FARS2: variants seen among roughly 807,000 people sequenced by gnomAD.
FARS2 encodes the protein phenylalanyl-tRNA synthetase 2, mitochondrial, also known as phenylalanine--tRNA ligase, mitochondrial.
Under a neutral mutation model 46.4 loss-of-function variants are expected in FARS2, and 40 were observed. That is an observed-to-expected ratio of 0.86 (90% confidence interval 0.67 to 1.12). The LOEUF (loss-of-function observed/expected upper bound fraction) is 1.12, where lower values mean the gene tolerates loss of function less well. FARS2 is among the 50% of genes most tolerant of loss of function. The pLI is 0.00. For missense variants in FARS2, 513 were observed against 567.9 expected, an observed-to-expected ratio of 0.90 and a Z score of 0.98; for synonymous variants, 234 against 214.9, an observed-to-expected ratio of 1.09 and a Z score of -0.78.
intron 1 of FARS2, among the ~76,000 whole-genome samples, chr6:5,302,887 T>C (rs1374194093): frequency 6.6e-6 from 1 of 152,156 alleles, no homozygotes; most frequent in African/African-American, 2.4e-5. Flanking sequence ...GTGTGGTTCA[T>C]GTTCGATGGA....
intron 5 of FARS2, among the ~76,000 whole-genome samples, chr6:5,604,783 T>G (rs768049539): frequency 6.6e-6 from 1 of 152,192 alleles, no homozygotes; most frequent in Non-Finnish European, 1.5e-5. Flanking sequence ...TTTTGTATTT[T>G]TTAACTCCCT....
At chr6:5,538,668 G>T (rs561048693) in intron 4 of FARS2, among the ~76,000 whole-genome samples, 1 of 152,222 alleles carries the variant, frequency 6.6e-6, no homozygotes, top group East Asian at 1.9e-4. Context: ...TGATAGAGTG[G>T]TCACGTCCTT....
intron 4 of FARS2, among the ~76,000 whole-genome samples, chr6:5,436,563 C>T (rs180681641): frequency 2.3e-4 from 35 of 152,296 alleles, no homozygotes; most frequent in Admixed American, 9.8e-4. Context: ...AAGATTATAT[C>T]GTTAGAACAT....
chr6:5,668,496 T>C (rs1001614854), intron 6 of FARS2, among the ~76,000 whole-genome samples: 4 of 152,208 alleles, frequency 2.6e-5, no homozygotes, highest in Admixed American at 1.3e-4. Context: ...ATTCCTGAAC[T>C]TCATTCAATT....
At chr6:5,668,067 G>C (rs1778235800) in intron 6 of FARS2, 1 of 152,130 alleles carries the variant, frequency 6.6e-6, no homozygotes, top group Non-Finnish European at 1.5e-5. Flanking sequence ...CCATTCCTCT[G>C]CTCAGCTCCT....
chr6:5,623,737 G>A (rs1452439325), intron 6 of FARS2, among the ~76,000 whole-genome samples: 3 of 148,704 alleles, frequency 2.0e-5, no homozygotes, highest in African/African-American at 5.2e-5. Context: ...ATAAAATAAA[G>A]ACTTTGTAAA....
intron 6 of FARS2, among the ~76,000 whole-genome samples, chr6:5,653,704 A>G (rs769650287): frequency 7.2e-5 from 11 of 152,114 alleles, no homozygotes; most frequent in Non-Finnish European, 1.5e-4. Flanking sequence ...CACATCCCCA[A>G]CCTTCATTCA....
chr6:5,403,795 A>G (rs544354916), intron 2 of FARS2, among the ~76,000 whole-genome samples: 1 of 152,312 alleles, frequency 6.6e-6, no homozygotes, highest in Admixed American at 6.5e-5. Flanking sequence ...CCAATCTTCT[A>G]CCAAGTAAAG....
intron 4 of FARS2, among the ~76,000 whole-genome samples, chr6:5,544,245 G>A (rs532589625): frequency 1.3e-5 from 2 of 152,296 alleles, no homozygotes; most frequent in Non-Finnish European, 2.9e-5. Flanking sequence ...CCAAGATGGA[G>A]TCCTAGATAA....
chr6:5,404,771 G>GTTT (rs35291527), intron 3 of FARS2, 70 bp downstream of exon 3: 183 of 622,118 alleles, frequency 2.9e-4, no homozygotes, highest in South Asian at 5.2e-4. Flanking sequence ...TTGGATTTGG[G>GTTT]TTTTTTTTTT....
At chr6:5,403,932 C>A (rs1761406154) in intron 2 of FARS2, among the ~76,000 whole-genome samples, 1 of 152,098 alleles carries the variant, frequency 6.6e-6, no homozygotes, top group Admixed American at 6.5e-5. Context: ...TTGGAATGTG[C>A]CAGATACTCT....
the FARS2 span, among the ~76,000 whole-genome samples, chr6:5,251,918 A>T: frequency 6.6e-6 from 1 of 152,222 alleles, no homozygotes; most frequent in Non-Finnish European, 1.5e-5. Context: ...ATAAATCTGG[A>T]TTGCGACTGG....
At chr6:5,443,443 G>A (rs1763955736) in intron 4 of FARS2, among the ~76,000 whole-genome samples, 1 of 152,220 alleles carries the variant, frequency 6.6e-6, no homozygotes, top group African/African-American at 2.4e-5. Context: ...TCTCTGCCCT[G>A]TTGATTTGGA....
rs193108549 is a variant in FARS2, at chr6:5,706,588, G to A, written c.1218-64703G>A. 2.6e-5 allele frequency among the ~76,000 whole-genome samples: 4 copies of A among 152,188 alleles called. No individual in the cohort carries two copies. In the East Asian group the frequency reaches 5.8e-4, roughly 22 times the overall value. On this transcript the variant is annotated intron_variant, in intron 6 of 6. Transcript: ENST00000274680. ...AGCCCAGGGAGGTTCTTTTAAACTC[G>A]TGGCTACATCGACTGTTGGGTTTCC...
intron 6 of FARS2, among the ~76,000 whole-genome samples, chr6:5,762,228 C>A (rs1382151922): frequency 6.6e-6 from 1 of 152,198 alleles, no homozygotes; most frequent in African/African-American, 2.4e-5. Context: ...ATGAACAACA[C>A]TTAACACTTT....
At chr6:5,406,469 A>G (rs1042938235) in intron 3 of FARS2, among the ~76,000 whole-genome samples, 1 of 152,286 alleles carries the variant, frequency 6.6e-6, no homozygotes, top group South Asian at 2.1e-4. Context: ...GCAACATGTG[A>G]TCTGCTTTCT....
intron 4 of FARS2, among the ~76,000 whole-genome samples, chr6:5,485,489 T>TG (rs978554142): frequency 6.7e-5 from 8 of 119,430 alleles, no homozygotes; most frequent in Non-Finnish European, 1.3e-4. Flanking sequence ...AGATTTAAAG[T>TG]GGGGGGGACT....
At chr6:5,257,155 C>T (rs920806791), upstream of FARS2, among the ~76,000 whole-genome samples, 3 of 152,158 alleles carry the variant, frequency 2.0e-5, no homozygotes, top group African/African-American at 7.2e-5. Flanking sequence ...AGGTTAGTGG[C>T]TGCCTGTGAG....
chr6:5,539,384 G>GTGTGTATGTGTATATATA, intron 4 of FARS2, among the ~76,000 whole-genome samples: 4 of 79,574 alleles, frequency 5.0e-5, no homozygotes, highest in African/African-American at 1.9e-4. Flanking sequence ...TTTTTTTTGT[G>GTGTGTATGTGTATATATA]TATATATATA....
Sources: gnomAD v4.1 joint callset for allele counts (sites outside exome capture counted in the v4.1 genomes callset) on GRCh38, gnomAD v4.1.1 for gene constraint, MANE v1.5 for transcripts, NCBI Gene and HGNC (gene_info 2026-07-23, HGNC 2026-07-21) for gene names.